Variants in ATF6 observed in about 807,000 individuals in gnomAD.
ATF6 encodes the protein cyclic AMP-dependent transcription factor ATF-6 alpha.
Under a neutral mutation model 83.6 loss-of-function variants are expected in ATF6, and 53 were observed. The ratio of observed to expected loss-of-function variants is 0.63; its 90% CI spans 0.51 to 0.80. ATF6 has a LOEUF of 0.80. ATF6 is among the 30% of genes least tolerant of loss of function. The pLI, the probability that ATF6 is intolerant of heterozygous loss-of-function variation, is 0.00. For synonymous variants in ATF6, 288 were observed against 285.8 expected, an observed-to-expected ratio of 1.01 and a Z score of -0.08; for missense variants, 744 against 797.9, an observed-to-expected ratio of 0.93 and a Z score of 0.81.
chr1:161,913,581 C>T (rs1253447909), intron 15 of ATF6, among the ~76,000 whole-genome samples: 1 of 152,130 alleles, frequency 6.6e-6, no homozygotes, highest in African/African-American at 2.4e-5. Flanking sequence ...CTTACAAAGA[C>T]ATTCAGAATA....
chr1:161,940,987 C>G (rs1482853691), intron 15 of ATF6, among the ~76,000 whole-genome samples: 1 of 152,192 alleles, frequency 6.6e-6, no homozygotes, highest in Non-Finnish European at 1.5e-5. Flanking sequence ...ACATAGCTGC[C>G]TCTTTTCCTA....
intron 7 of ATF6, among the ~76,000 whole-genome samples, chr1:161,814,286 G>A (rs1028986484): frequency 3.3e-5 from 5 of 152,186 alleles, no homozygotes; most frequent in African/African-American, 1.2e-4. Flanking sequence ...TTCAGGACTT[G>A]GGTCCCTCTA....
intron 7 of ATF6, among the ~76,000 whole-genome samples, chr1:161,815,683 A>C (rs1413564180): frequency 6.6e-6 from 1 of 152,146 alleles, no homozygotes; most frequent in Non-Finnish European, 1.5e-5. Flanking sequence ...AAATTAAAAC[A>C]AGCTGGGCCA....
At chr1:161,949,889 T>C (rs566427111) in intron 15 of ATF6, among the ~76,000 whole-genome samples, 10 of 152,040 alleles carry the variant, frequency 6.6e-5, no homozygotes, top group Non-Finnish European at 1.2e-4. Context: ...GGGACAAATA[T>C]CCAAATCATA....
rs1300329534 is a variant in ATF6, at chr1:161,766,371, C to T, written c.11C>T (p.Pro4Leu). The T allele has an allele frequency of 1.1e-5, 17 of 1,612,624 alleles. No homozygotes were observed. Among genetic ancestry groups the T allele is most frequent in the Non-Finnish European group, 1.3e-5 (15 of 1,179,360 alleles). Residue 4 changes from proline to leucine, a missense_variant, in exon 1 of 16, where the codon CCG becomes CTG. By Grantham distance (98) the Pro-to-Leu change is moderately conservative (BLOSUM62 -3). Coordinates refer to ENST00000367942, the MANE Select transcript of ATF6 (RefSeq NM_007348.4). MGE[P>L]AGVAGTMESP... ...GAAGGAACTTGTGAAATGGGGGAGC[C>T]GGCTGGGGTTGCCGGCACCATGGAG...
intron 14 of ATF6, among the ~76,000 whole-genome samples, chr1:161,881,764 C>T (rs188748108): frequency 2.6e-5 from 4 of 152,046 alleles, no homozygotes; most frequent in Non-Finnish European, 5.9e-5. Flanking sequence ...TTTCAAAGGG[C>T]AGAAATTCTT....
chr1:161,944,152 G>A (rs1011187113), intron 15 of ATF6, among the ~76,000 whole-genome samples: 1 of 152,144 alleles, frequency 6.6e-6, no homozygotes, highest in Non-Finnish European at 1.5e-5. Flanking sequence ...GCTCAGTTAG[G>A]CCAGAATCCG....
At chr1:161,894,702 ATTT>A (rs59848309) in intron 14 of ATF6, among the ~76,000 whole-genome samples, 5 of 109,162 alleles carry the variant, frequency 4.6e-5, no homozygotes, top group Admixed American at 1.8e-4. Context: ...AGCCGGGCTA[ATTT>A]TTTTTTTTTT....
chr1:161,890,179 TTAATC>T (rs1410513702), intron 14 of ATF6, among the ~76,000 whole-genome samples: 1 of 152,236 alleles, frequency 6.6e-6, no homozygotes, highest in African/African-American at 2.4e-5. Context: ...ACCTTGATCT[TTAATC>T]TACAGTCCAG....
intron 6 of ATF6, among the ~76,000 whole-genome samples, chr1:161,798,989 A>G (rs1215268986): frequency 2.0e-5 from 3 of 152,338 alleles, no homozygotes; most frequent in Admixed American, 6.5e-5. Flanking sequence ...ATGCATATAC[A>G]TTGCTGGTGG....
intron 7 of ATF6, among the ~76,000 whole-genome samples, chr1:161,806,658 T>C (rs546058967): frequency 6.6e-6 from 1 of 152,286 alleles, no homozygotes; most frequent in South Asian, 2.1e-4. Context: ...TATCACCTTT[T>C]ACCCTGTTTC....
chr1:161,946,599 A>G (rs1426950714), intron 15 of ATF6, among the ~76,000 whole-genome samples: 1 of 152,202 alleles, frequency 6.6e-6, no homozygotes, highest in African/African-American at 2.4e-5. Flanking sequence ...CATGTGTTGC[A>G]TACATTCTGC....
rs1429749013 is a variant in ATF6, at chr1:161,904,506, T to A, written c.1720-7790T>A. On this transcript the variant is annotated intron_variant, in intron 14 of 15. Transcript: ENST00000367942. ...AGGAGGCTGAGGCAGAAGAATCACT[T>A]GAACCCAGGAGGCAGAGTTTGCAGT... 3.3e-5 allele frequency among the ~76,000 whole-genome samples: 5 copies of A among 152,182 alleles called. No homozygotes were observed. The South Asian group carries it at 1.0e-3, about 32-fold the overall frequency.
intron 14 of ATF6, among the ~76,000 whole-genome samples, chr1:161,865,622 T>C (rs1345222703): frequency 1.3e-5 from 2 of 152,198 alleles, no homozygotes; most frequent in Admixed American, 1.3e-4. Flanking sequence ...CCTAGTCCCT[T>C]GATGTTCATT....
intron 15 of ATF6, among the ~76,000 whole-genome samples, chr1:161,957,788 A>G (rs1003035249): frequency 6.6e-6 from 1 of 152,200 alleles, no homozygotes; most frequent in Non-Finnish European, 1.5e-5. Context: ...GGAATCAGGA[A>G]CTCTGGAAAT....
At chr1:161,830,527 A>G (rs1325962631) in intron 9 of ATF6, among the ~76,000 whole-genome samples, 2 of 152,224 alleles carry the variant, frequency 1.3e-5, no homozygotes, top group African/African-American at 4.8e-5. Context: ...TGGAGGCATC[A>G]TGCTACCTGA....
At chr1:161,794,593 G>A (rs534648108) in intron 6 of ATF6, among the ~76,000 whole-genome samples, 19 of 152,080 alleles carry the variant, frequency 1.2e-4, no homozygotes, top group East Asian at 1.9e-4. Context: ...GGATTAAGGC[G>A]TGAGCCACCA....
At chr1:161,851,886 G>C in intron 11 of ATF6, 51 bp downstream of exon 11, 1 of 1,365,300 alleles carries the variant, frequency 7.3e-7, no homozygotes. Context: ...CCCATGTTTA[G>C]TTTTGGAACC....
chr1:161,781,314 TG>T (rs556561719), intron 2 of ATF6, among the ~76,000 whole-genome samples: 8 of 152,156 alleles, frequency 5.3e-5, no homozygotes, highest in Non-Finnish European at 1.2e-4. Flanking sequence ...TAAAAAGTGG[TG>T]TTTTTTTTGA....
Sources: allele counts gnomAD v4.1 joint callset (sites outside exome capture counted in the v4.1 genomes callset), GRCh38; gene constraint gnomAD v4.1.1; transcripts MANE v1.5; gene names NCBI Gene and HGNC (gene_info 2026-07-23, HGNC 2026-07-21).